Variants in RECK observed in about 807,000 individuals in gnomAD.
RECK encodes reversion-inducing cysteine-rich protein with Kazal motifs.
Under a neutral mutation model 115.1 loss-of-function variants are expected in RECK, and 69 were observed. The observed-to-expected ratio is 0.60, with a 90% CI of 0.49 to 0.73. The LOEUF is 0.73. RECK is among the 30% of genes least tolerant of loss of function. RECK has a pLI of 0.00. For synonymous variants in RECK, 414 were observed against 419.7 expected (o/e 0.99, Z 0.17); for missense variants, 1,047 against 1,203.7 (o/e 0.87, Z 1.93).
At chr9:36,113,596 T>C (rs1044058598) in intron 16 of RECK, among the ~76,000 whole-genome samples, 1 of 152,170 alleles carries the variant, frequency 6.6e-6, no homozygotes, top group Non-Finnish European at 1.5e-5. Context: ...AAAATAAATG[T>C]CAAAGTGGGA....
In RECK at chr9:36,122,987, C is replaced by T; in HGVS notation, c.2858C>T (p.Ser953Phe). ...GTCAGGGCCAGGCCTTCTTGCCACT[C>T]CCTCCTCCTTCCCCTCAGCTTGGGC... ...AGVRARPSCH[S>F]LLLPLSLGLA... is the part of the protein sequence containing the mutation. Residue 953 changes from serine (S) to phenylalanine (F), a missense_variant, in exon 21 of 21, where the codon TCC becomes TTC. By Grantham distance (155) the Ser-to-Phe change is radical. Coordinates refer to ENST00000377966, the MANE Select transcript of RECK (RefSeq NM_021111.3). 1 of 1,614,096 alleles carries T rather than the reference C, an allele frequency of 6.2e-7. No homozygotes were observed. The highest frequency in any genetic ancestry group is 2.2e-5 in the East Asian group (1 of 44,876).
At chr9:36,071,881 A>AGCT (rs1434833705) in intron 6 of RECK, among the ~76,000 whole-genome samples, 1 of 152,138 alleles carries the variant, frequency 6.6e-6, no homozygotes, top group East Asian at 1.9e-4. Context: ...TACACAGCTA[A>AGCT]ATGTATAGAA....
chr9:36,122,847 A>T lies in RECK; in HGVS notation c.2718A>T (p.Ala906=). The T allele has an allele frequency of 6.2e-7, 1 of 1,614,226 alleles. No individual in the cohort carries two copies. Among genetic ancestry groups the T allele is most frequent in the Non-Finnish European group, 8.5e-7 (1 of 1,180,030 alleles). The part of the protein sequence containing the change: ...ALQIEACNKE[A]EKIESLINSD... ...AGATTGAAGCCTGCAATAAAGAAGC[A>T]GAGAAGATTGAGTCCCTTATCAACT... The change falls in exon 21 of 21, where the codon GCA becomes GCT. Residue 906 remains alanine, a synonymous_variant. Coordinates refer to ENST00000377966, the MANE Select transcript of RECK (RefSeq NM_021111.3).
chr9:36,111,662 G>GA (rs1474057318), intron 15 of RECK, among the ~76,000 whole-genome samples: 3 of 152,096 alleles, frequency 2.0e-5, no homozygotes, highest in African/African-American at 7.2e-5. Context: ...TCAAAGTGCT[G>GA]GGATTACAGG....
chr9:36,062,987 T>A (rs1289718744), intron 4 of RECK, among the ~76,000 whole-genome samples: 7 of 151,790 alleles, frequency 4.6e-5, no homozygotes, highest in Non-Finnish European at 8.8e-5. Context: ...ATACAAAAAT[T>A]AGCCGGGCAT....
rs770995353 is a variant in RECK, at chr9:36,083,517, G to A, written c.592G>A (p.Val198Met). The A allele has an allele frequency of 8.7e-6, 14 of 1,613,828 alleles. No individual in the cohort carries two copies. The Admixed American group carries it at 2.3e-4, about 27-fold the overall frequency. ...ASISPQLIHCVNNYTQSYPMR... is the reference protein window; with the variant it reads ...ASISPQLIHCMNNYTQSYPMR... The stretch of plus-strand genomic sequence containing the variant: ...TATTAGTCCACAATTAATACATTGT[G>A]TGAACAATTATACTCAATCTTATCC... The change falls in exon 8 of 21, where the codon GTG becomes ATG. Residue 198 changes from valine (V) to methionine (M), a missense_variant. Physicochemically the swap from Val to Met is conservative, Grantham distance 21 (BLOSUM62 1). Coordinates refer to ENST00000377966, the MANE Select transcript of RECK (RefSeq NM_021111.3).
At chr9:36,049,442 C>G (rs1055142489) in intron 1 of RECK, among the ~76,000 whole-genome samples, 7 of 152,062 alleles carry the variant, frequency 4.6e-5, no homozygotes, top group Non-Finnish European at 1.0e-4. Flanking sequence ...TTTGGCTTCC[C>G]TGGGCCACAC....
At chr9:36,043,645 A>G (rs934845835) in intron 1 of RECK, among the ~76,000 whole-genome samples, 2 of 151,750 alleles carry the variant, frequency 1.3e-5, no homozygotes, top group African/African-American at 2.4e-5. Flanking sequence ...GAATTTTTAC[A>G]GTTTCAGGTC....
chr9:36,089,966 A>C (rs991044483), intron 9 of RECK, among the ~76,000 whole-genome samples: 20 of 97,122 alleles, frequency 2.1e-4, no homozygotes, highest in Admixed American at 3.4e-4. Context: ...TCTACTAAAA[A>C]TACACACACA....
chr9:36,083,343 C>CCTTCT, intron 7 of RECK, 22 bp from the exon 8 acceptor site: 1 of 1,609,244 alleles, frequency 6.2e-7, no homozygotes. Context: ...CATGTCAGTG[C>CCTTCT]CTTCTCTTTT....
intron 16 of RECK, among the ~76,000 whole-genome samples, chr9:36,114,770 G>C (rs535118527): frequency 6.6e-6 from 1 of 152,074 alleles, no homozygotes; most frequent in African/African-American, 2.4e-5. Context: ...GCTTGAACCC[G>C]GGAGACAGAG....
intron 15 of RECK, among the ~76,000 whole-genome samples, chr9:36,112,022 C>A (rs10972729): frequency 6.8e-6 from 1 of 147,448 alleles, no homozygotes; most frequent in East Asian, 2.0e-4. Context: ...ACTCCGGAGG[C>A]TGAGGCAGGA....
chr9:36,104,292 G>GTGTGTGTA (rs34438663), intron 12 of RECK, among the ~76,000 whole-genome samples: 8 of 43,884 alleles, frequency 1.8e-4, no homozygotes, highest in Non-Finnish European at 2.4e-4. Context: ...GTGTGTGTGT[G>GTGTGTGTA]TATATATATA....
chr9:36,076,652 G>T (rs967315814), intron 6 of RECK, among the ~76,000 whole-genome samples: 1 of 152,104 alleles, frequency 6.6e-6, no homozygotes, highest in East Asian at 1.9e-4. Flanking sequence ...ATTTAATCGC[G>T]AGAGTAGGGC....
chr9:36,050,548 T>G (rs940420898), intron 1 of RECK, among the ~76,000 whole-genome samples: 1 of 152,174 alleles, frequency 6.6e-6, no homozygotes, highest in African/African-American at 2.4e-5. Context: ...CTCCTGTGTA[T>G]TATATTTTTA....
chr9:36,062,350 G>A (rs951018962), intron 4 of RECK, among the ~76,000 whole-genome samples: 3 of 152,008 alleles, frequency 2.0e-5, no homozygotes, highest in Admixed American at 6.5e-5. Flanking sequence ...TAGTGGAGAC[G>A]AGGTTTCACT....
At chr9:36,077,938 C>T (rs764784316) in intron 6 of RECK, among the ~76,000 whole-genome samples, 1 of 152,016 alleles carries the variant, frequency 6.6e-6, no homozygotes, top group Admixed American at 6.6e-5. Flanking sequence ...CTAAATAAGC[C>T]GGCATGCACC....
At chr9:36,081,502 T>C (rs183302327) in intron 7 of RECK, among the ~76,000 whole-genome samples, 15 of 152,216 alleles carry the variant, frequency 9.9e-5, no homozygotes, top group East Asian at 5.8e-4. Flanking sequence ...CCCCAATGTA[T>C]CCTCACTGAG....
chr9:36,108,120 G>A lies in RECK; in HGVS notation c.1721G>A (p.Cys574Tyr). The A allele has an allele frequency of 1.9e-6, 3 of 1,609,104 alleles. No individual in the cohort carries two copies. The East Asian group carries it at 6.7e-5, about 36-fold the overall frequency. The change falls in exon 14 of 21, where the codon TGT becomes TAT. Residue 574 changes from cysteine to tyrosine, a missense_variant. Transcript: ENST00000377966. ...GLLENCMEMH[C>Y]IDLQKSCIVG... ...TTAGAAAACTGTATGGAAATGCACTGTATAGACCTCCAGAAGTCTTGTATT... is the reference window on the plus strand; with the variant it reads ...TTAGAAAACTGTATGGAAATGCACTATATAGACCTCCAGAAGTCTTGTATT...
Sources: gnomAD v4.1 joint callset for allele counts (sites outside exome capture counted in the v4.1 genomes callset) on GRCh38, gnomAD v4.1.1 for gene constraint, MANE v1.5 for transcripts, NCBI Gene and HGNC (gene_info 2026-07-23, HGNC 2026-07-21) for gene names.